Variants in CACNB2 observed in about 807,000 individuals in gnomAD.
CACNB2 encodes the protein voltage-dependent L-type calcium channel subunit beta-2.
Under a neutral mutation model 73.3 loss-of-function variants are expected in CACNB2, and 42 were observed. The ratio of observed to expected loss-of-function variants is 0.57; its 90% CI spans 0.45 to 0.74. The LOEUF (loss-of-function observed/expected upper bound fraction) is 0.74, where lower values mean the gene tolerates loss of function less well. Ranked by LOEUF, CACNB2 falls within the 30% of genes least tolerant of loss-of-function variation. The pLI is 0.00. For missense variants in CACNB2, 940 were observed against 853.0 expected (o/e 1.10, Z -1.27); for synonymous variants, 348 against 310.3 (o/e 1.12, Z -1.28).
intron 2 of CACNB2, among the ~76,000 whole-genome samples, chr10:18,309,550 C>T (rs1303871580): frequency 6.6e-6 from 1 of 152,078 alleles, no homozygotes; most frequent in Admixed American, 6.6e-5. Flanking sequence ...CTCTGCCTCC[C>T]GGGTTCAAGC....
intron 2 of CACNB2, among the ~76,000 whole-genome samples, chr10:18,162,915 C>T (rs1333387077): frequency 6.6e-6 from 1 of 152,092 alleles, no homozygotes; most frequent in Non-Finnish European, 1.5e-5. Flanking sequence ...CAATGTGTTT[C>T]TGGGATGGTA....
intron 2 of CACNB2, among the ~76,000 whole-genome samples, chr10:18,241,989 C>T (rs2036670392): frequency 1.3e-5 from 2 of 151,854 alleles, no homozygotes; most frequent in African/African-American, 4.8e-5. Context: ...TATAGTCAAC[C>T]ACCAATTTTA....
At chr10:18,370,207 C>T (rs925998233) in intron 2 of CACNB2, among the ~76,000 whole-genome samples, 2 of 152,252 alleles carry the variant, frequency 1.3e-5, no homozygotes, top group Non-Finnish European at 2.9e-5. Flanking sequence ...CTACTAGACT[C>T]CTTTCTGTAC....
rs145960586 is a variant in CACNB2, at chr10:18,387,954, G to A, written c.214-13970G>A. Among the ~76,000 whole-genome samples the A allele has an allele frequency of 2.6e-3, 401 of 152,098 alleles. 1 individual carries two copies. Among genetic ancestry groups the A allele is most frequent in the African/African-American group, 9.1e-3 (377 of 41,494 alleles). On this transcript the variant is annotated intron_variant, in intron 2 of 13. Coordinates refer to ENST00000324631, the MANE Select transcript of CACNB2 (RefSeq NM_201596.3). ...AAATTTTTTGTACAGATGGGGTCTC[G>A]TTATGTTGTCCACATTGGTCTCAAA... is the stretch of plus-strand genomic sequence containing the variant.
intron 2 of CACNB2, among the ~76,000 whole-genome samples, chr10:18,360,251 G>A (rs2042090112): frequency 6.6e-6 from 1 of 152,212 alleles, no homozygotes; most frequent in South Asian, 2.1e-4. Context: ...AAGAGACAGA[G>A]TCTCACTCTG....
At chr10:18,224,337 T>TG (rs2035904687) in intron 2 of CACNB2, 2 of 61,956 alleles carry the variant, frequency 3.2e-5, no homozygotes, top group African/African-American at 7.9e-5. Flanking sequence ...ACTTCTCCCT[T>TG]CAAAAAAAAA....
At chr10:18,261,264 C>G (rs1456560706) in intron 2 of CACNB2, 2 of 1,551,266 alleles carry the variant, frequency 1.3e-6, no homozygotes, top group Non-Finnish European at 1.7e-6. Context: ...GTTCTGCCCC[C>G]TCTTCATGCA....
At chr10:18,265,881 G>T (rs1189597576) in intron 2 of CACNB2, among the ~76,000 whole-genome samples, 2 of 152,126 alleles carry the variant, frequency 1.3e-5, no homozygotes, top group Non-Finnish European at 2.9e-5. Flanking sequence ...TGCTGCCTGT[G>T]TTAGTTGCTA....
chr10:18,202,444 G>A (rs2034921876), intron 2 of CACNB2, among the ~76,000 whole-genome samples: 2 of 152,114 alleles, frequency 1.3e-5, no homozygotes, highest in African/African-American at 4.8e-5. Flanking sequence ...ACCAAACCAT[G>A]GGATTTTGGG....
Position 18,514,303 on chromosome 10 carries a change from T to C in CACNB2, c.738T>C (p.Pro246=). Residue 246 remains proline, a synonymous_variant, in exon 7 of 14, where the codon CCT becomes CCC. Coordinates refer to ENST00000324631, the MANE Select transcript of CACNB2 (RefSeq NM_201596.3). ...ATATTCCAGCAAACCACCGCTCCCC[T>C]AAACCCAGTGCAAACAGTGTAACGT... ...ENDIPANHRS[P]KPSANSVTSP... 1.2e-6 allele frequency: 2 copies of C among 1,614,156 alleles called. No homozygotes were observed. The highest frequency in any genetic ancestry group is 8.5e-7 in the Non-Finnish European group (1 of 1,180,006).
chr10:18,204,480 A>G (rs1018446408), intron 2 of CACNB2, among the ~76,000 whole-genome samples: 2 of 152,218 alleles, frequency 1.3e-5, no homozygotes, highest in Non-Finnish European at 2.9e-5. Flanking sequence ...CTAATTGACA[A>G]AAGCAGAATC....
At chr10:18,470,911 C>G (rs1372528579) in intron 3 of CACNB2, among the ~76,000 whole-genome samples, 1 of 152,148 alleles carries the variant, frequency 6.6e-6, no homozygotes, top group African/African-American at 2.4e-5. Flanking sequence ...ATGTATGAGC[C>G]AAGCATGCCA....
chr10:18,372,088 A>G (rs1026093219), intron 2 of CACNB2, among the ~76,000 whole-genome samples: 2 of 152,094 alleles, frequency 1.3e-5, no homozygotes, highest in African/African-American at 2.4e-5. Flanking sequence ...AGTTCTTTGT[A>G]GATTCTGGAT....
intron 2 of CACNB2, among the ~76,000 whole-genome samples, chr10:18,355,467 T>A (rs1054704780): frequency 2.6e-5 from 4 of 152,040 alleles, no homozygotes; most frequent in Non-Finnish European, 5.9e-5. Flanking sequence ...GGATCATGAA[T>A]GATATCACAC....
At chr10:18,202,222 C>T (rs548224197) in intron 2 of CACNB2, among the ~76,000 whole-genome samples, 1 of 152,302 alleles carries the variant, frequency 6.6e-6, no homozygotes, top group Admixed American at 6.5e-5. Context: ...TGGAAGCCAT[C>T]ACAGTATTGC....
intron 2 of CACNB2, among the ~76,000 whole-genome samples, chr10:18,331,219 T>C: frequency 6.6e-6 from 1 of 150,506 alleles, no homozygotes; most frequent in East Asian, 2.0e-4. Context: ...CTCTTGACCT[T>C]GTGATCTGCC....
chr10:18,518,230 A>G, intron 7 of CACNB2, 106 bp from the exon 8 acceptor site: 1 of 808,832 alleles, frequency 1.2e-6, no homozygotes. Context: ...AAATGTCTGG[A>G]AAGCCAGTGC....
intron 2 of CACNB2, among the ~76,000 whole-genome samples, chr10:18,289,160 A>C (rs1014884007): frequency 2.0e-5 from 3 of 152,120 alleles, no homozygotes; most frequent in Non-Finnish European, 4.4e-5. Flanking sequence ...TTGTAATATC[A>C]AGTTTTGCTT....
At chr10:18,459,543 G>A (rs1422770802) in intron 3 of CACNB2, among the ~76,000 whole-genome samples, 1 of 152,194 alleles carries the variant, frequency 6.6e-6, no homozygotes, top group Admixed American at 6.5e-5. Flanking sequence ...CCTGGCTGTG[G>A]TGCTCTATGG....
Sources: allele counts gnomAD v4.1 joint callset (sites outside exome capture counted in the v4.1 genomes callset), GRCh38; gene constraint gnomAD v4.1.1; transcripts MANE v1.5; gene names NCBI Gene and HGNC (gene_info 2026-07-23, HGNC 2026-07-21).